Variants in PRELID2 observed in about 807,000 individuals in gnomAD.
PRELID2 encodes the protein PRELI domain-containing protein 2.
Under a neutral mutation model 28.4 loss-of-function variants are expected in PRELID2, and 25 were observed. The observed-to-expected ratio is 0.88, with a 90% CI of 0.64 to 1.23. The LOEUF (loss-of-function observed/expected upper bound fraction) is 1.23, where lower values mean the gene tolerates loss of function less well. Ranked by LOEUF, PRELID2 falls within the 50% of genes most tolerant of loss-of-function variation. The probability of loss-of-function intolerance (pLI) is 0.00; values close to 1 mark genes in which losing one functional copy is unlikely to be tolerated. For missense variants in PRELID2, 201 were observed against 214.4 expected (o/e 0.94, Z 0.39); for synonymous variants, 76 against 71.6 (o/e 1.06, Z -0.31).
chr5:145,480,101 T>C (rs917044546), intron 1 of PRELID2, among the ~76,000 whole-genome samples: 3 of 152,232 alleles, frequency 2.0e-5, no homozygotes, highest in Non-Finnish European at 4.4e-5. Context: ...TTTTGAAGCA[T>C]AAATTCCTAA....
the PRELID2 span, among the ~76,000 whole-genome samples, chr5:145,373,186 T>C: frequency 1.7e-4 from 8 of 47,042 alleles, 2 homozygotes; most frequent in African/African-American, 7.3e-4. Context: ...ATAATATATA[T>C]GATATATATT....
chr5:145,345,476 A>C, the PRELID2 span, among the ~76,000 whole-genome samples: 1 of 152,084 alleles, frequency 6.6e-6, no homozygotes. Flanking sequence ...CTGCAAGAAG[A>C]ATGAACAAGC....
chr5:145,322,919 T>G, the PRELID2 span, among the ~76,000 whole-genome samples: 1 of 152,020 alleles, frequency 6.6e-6, no homozygotes, highest in African/African-American at 2.4e-5. Context: ...AGGCGGAGGT[T>G]GCAGTGAGCC....
chr5:145,808,760 C>A (rs1753722586), intron 4 of PRELID2, among the ~76,000 whole-genome samples: 1 of 151,974 alleles, frequency 6.6e-6, no homozygotes, highest in African/African-American at 2.4e-5. Flanking sequence ...GTAGCACACA[C>A]CTATATCTCA....
At chr5:145,586,762 A>G (rs1220279360) in intron 1 of PRELID2, among the ~76,000 whole-genome samples, 5 of 152,050 alleles carry the variant, frequency 3.3e-5, no homozygotes, top group Admixed American at 3.3e-4. Context: ...ATTAAATCCA[A>G]CCTCCTAATA....
the PRELID2 span, among the ~76,000 whole-genome samples, chr5:145,436,365 T>C: frequency 6.6e-6 from 1 of 152,170 alleles, no homozygotes; most frequent in Admixed American, 6.5e-5. Flanking sequence ...TCCATGTCTT[T>C]ACTATTGTGA....
the PRELID2 span, among the ~76,000 whole-genome samples, chr5:145,280,485 A>C: frequency 6.6e-6 from 1 of 152,112 alleles, no homozygotes; most frequent in South Asian, 2.1e-4. Context: ...ATATAGATGC[A>C]TGTGAGTGTC....
chr5:145,661,686 AAAAC>A (rs1293040531), intron 1 of PRELID2, among the ~76,000 whole-genome samples: 3 of 142,630 alleles, frequency 2.1e-5, no homozygotes, highest in African/African-American at 9.1e-5. Context: ...AAAAAAAAAA[AAAAC>A]ATGTTATGCT....
the PRELID2 span, among the ~76,000 whole-genome samples, chr5:145,366,385 G>A: frequency 6.6e-6 from 1 of 151,792 alleles, no homozygotes; most frequent in Non-Finnish European, 1.5e-5. Context: ...GGAAACATTT[G>A]AATGAAAAGA....
At chr5:145,413,237 T>C in the PRELID2 span, among the ~76,000 whole-genome samples, 3 of 152,262 alleles carry the variant, frequency 2.0e-5, no homozygotes, top group Non-Finnish European at 4.4e-5. Flanking sequence ...TGAAAAATGC[T>C]CAACATCACT....
At chr5:145,531,183 G>A (rs1752652254) in intron 1 of PRELID2, among the ~76,000 whole-genome samples, 2 of 152,084 alleles carry the variant, frequency 1.3e-5, no homozygotes. Flanking sequence ...AATACATGCA[G>A]CCCGTGTGCA....
At chr5:145,428,071 G>A in the PRELID2 span, among the ~76,000 whole-genome samples, 1 of 152,130 alleles carries the variant, frequency 6.6e-6, no homozygotes, top group Non-Finnish European at 1.5e-5. Context: ...CGATTCTCCT[G>A]CCTCAGCATC....
At position 145,777,333 on chromosome 5, in the gene PRELID2, G is replaced by A. The variant is rs573028718; in HGVS notation, c.475-12333C>T. Among the ~76,000 whole-genome samples, 13 of 152,240 alleles carry A rather than the reference G, an allele frequency of 8.5e-5. No homozygotes were observed. In the East Asian group the frequency reaches 1.9e-3, roughly 23 times the overall value. On this transcript the variant is annotated intron_variant, in intron 5 of 6. Coordinates refer to ENST00000683046, the MANE Select transcript of PRELID2 (RefSeq NM_205846.3). ...TCCTCCCACCTTAGCCTCTTGAGTA[G>A]GTGGGATTACAGGCATGCATGAGCC... is the stretch of plus-strand genomic sequence containing the variant.
At chr5:145,676,902 A>C (rs1021955707) in intron 1 of PRELID2, among the ~76,000 whole-genome samples, 3 of 152,146 alleles carry the variant, frequency 2.0e-5, no homozygotes, top group Non-Finnish European at 2.9e-5. Flanking sequence ...TTCAACAAAT[A>C]AGTTGCAAAG....
At chr5:145,327,809 G>A in the PRELID2 span, among the ~76,000 whole-genome samples, 409 of 151,982 alleles carry the variant, frequency 2.7e-3, no homozygotes, top group African/African-American at 9.4e-3. Flanking sequence ...AATACTTTAA[G>A]TTCTGGGATA....
the PRELID2 span, among the ~76,000 whole-genome samples, chr5:145,393,697 G>A: frequency 1.0e-3 from 154 of 152,288 alleles, no homozygotes; most frequent in Non-Finnish European, 1.7e-3. Context: ...CTTACACAAA[G>A]TATATAACAA....
chr5:145,493,318 C>A (rs988535029), intron 1 of PRELID2, among the ~76,000 whole-genome samples: 1 of 152,136 alleles, frequency 6.6e-6, no homozygotes, highest in Non-Finnish European at 1.5e-5. Flanking sequence ...TAAAACAAAT[C>A]CCTATTTCTG....
intron 6 of PRELID2, among the ~76,000 whole-genome samples, chr5:145,764,200 C>A (rs2149768879): frequency 1.3e-5 from 2 of 152,312 alleles, no homozygotes; most frequent in East Asian, 3.9e-4. Context: ...CTCTGCCCTG[C>A]CCTTTCCACT....
chr5:145,606,114 T>A (rs1299143937), intron 1 of PRELID2, among the ~76,000 whole-genome samples: 1 of 152,106 alleles, frequency 6.6e-6, no homozygotes, highest in Admixed American at 6.6e-5. Context: ...TGAACATTGT[T>A]TTTGCATCCT....
Sources: allele counts gnomAD v4.1 joint callset (sites outside exome capture counted in the v4.1 genomes callset), GRCh38; gene constraint gnomAD v4.1.1; transcripts MANE v1.5; gene names NCBI Gene and HGNC (gene_info 2026-07-23, HGNC 2026-07-21).